The following ADAMTSL1 variants were observed in gnomAD, a reference collection of about 807,000 sequenced individuals.
ADAMTSL1 encodes the protein ADAMTS like 1, also known as ADAMTS-like protein 1.
Under a neutral mutation model 201.8 loss-of-function variants are expected in ADAMTSL1, and 126 were observed. The ratio of observed to expected loss-of-function variants is 0.62; its 90% CI spans 0.54 to 0.72. The LOEUF (loss-of-function observed/expected upper bound fraction) is 0.72. ADAMTSL1 is among the 30% of genes least tolerant of loss of function. ADAMTSL1 has a pLI of 0.00. For synonymous variants in ADAMTSL1, 1,121 were observed against 903.4 expected, an observed-to-expected ratio of 1.24 and a Z score of -4.32; for missense variants, 2,679 against 2,277.8, an observed-to-expected ratio of 1.18 and a Z score of -3.59.
At chr9:18,184,366 T>A (rs1301123207) in intron 2 of ADAMTSL1, among the ~76,000 whole-genome samples, 1 of 152,180 alleles carries the variant, frequency 6.6e-6, no homozygotes, top group Non-Finnish European at 1.5e-5. Context: ...GAAATATCAA[T>A]TTTTCTCAAG....
chr9:18,709,203 G>A lies in ADAMTSL1; in HGVS notation c.1876+2155G>A, dbSNP rs182522646. ...TCCAAAGTGATGAAAATATGCTTGG[G>A]TTATATGGTCCATATGATGCCCATA... On this transcript the variant is annotated intron_variant, in intron 14 of 28. Transcript: ENST00000380548. Among the ~76,000 whole-genome samples, 10 of 152,168 alleles carry A rather than the reference G, an allele frequency of 6.6e-5. No individual in the cohort carries two copies. In the East Asian group the frequency reaches 1.2e-3, roughly 18 times the overall value.
intron 1 of ADAMTSL1, among the ~76,000 whole-genome samples, chr9:18,084,324 C>A (rs1270388816): frequency 1.3e-5 from 2 of 151,514 alleles, no homozygotes; most frequent in East Asian, 1.9e-4. Flanking sequence ...GAGTTAGAGA[C>A]CAGCCTGGTC....
At chr9:18,691,267 G>A (rs1259976903) in intron 13 of ADAMTSL1, among the ~76,000 whole-genome samples, 1 of 152,178 alleles carries the variant, frequency 6.6e-6, no homozygotes, top group African/African-American at 2.4e-5. Context: ...ACATGGTAAT[G>A]CATAAAGATA....
At chr9:18,121,128 T>C (rs1825477821) in intron 1 of ADAMTSL1, among the ~76,000 whole-genome samples, 2 of 152,212 alleles carry the variant, frequency 1.3e-5, no homozygotes, top group Admixed American at 6.6e-5. Context: ...AAGGATACAG[T>C]TGGCTCTAGG....
intron 1 of ADAMTSL1, among the ~76,000 whole-genome samples, chr9:18,156,299 G>A (rs767110267): frequency 5.3e-5 from 8 of 151,940 alleles, no homozygotes; most frequent in Non-Finnish European, 1.2e-4. Flanking sequence ...GGCCATGAAA[G>A]GAGCCAATGT....
At chr9:18,321,152 T>G (rs1834599778) in intron 2 of ADAMTSL1, among the ~76,000 whole-genome samples, 1 of 152,144 alleles carries the variant, frequency 6.6e-6, no homozygotes, top group Non-Finnish European at 1.5e-5. Context: ...CATGAGAAAG[T>G]TGGCATGGCT....
chr9:18,640,944 C>A (rs1324942855), intron 7 of ADAMTSL1, among the ~76,000 whole-genome samples: 2 of 151,986 alleles, frequency 1.3e-5, no homozygotes, highest in African/African-American at 4.8e-5. Flanking sequence ...TCCTTCATAA[C>A]CCCTCACCTT....
chr9:18,749,647 G>A (rs969724462), intron 15 of ADAMTSL1, among the ~76,000 whole-genome samples: 8 of 152,202 alleles, frequency 5.3e-5, no homozygotes, highest in African/African-American at 1.2e-4. Flanking sequence ...CAGAACGCAC[G>A]GAATAGGGCA....
chr9:18,782,814 G>A (rs1463438528), intron 19 of ADAMTSL1, among the ~76,000 whole-genome samples: 1 of 152,184 alleles, frequency 6.6e-6, no homozygotes, highest in East Asian at 1.9e-4. Flanking sequence ...CTGGACAAGG[G>A]AAAGGCAGTG....
chr9:18,540,420 G>T (rs1820058051), intron 3 of ADAMTSL1, among the ~76,000 whole-genome samples: 1 of 152,186 alleles, frequency 6.6e-6, no homozygotes, highest in Non-Finnish European at 1.5e-5. Context: ...ATGGAGGGTT[G>T]CTCTACCTGA....
intron 23 of ADAMTSL1, among the ~76,000 whole-genome samples, chr9:18,877,192 G>C (rs1301894290): frequency 1.3e-5 from 2 of 151,802 alleles, no homozygotes; most frequent in Admixed American, 1.3e-4. Context: ...CCTTTCTCTG[G>C]TGCCTCCTTG....
chr9:17,952,871 G>C lies in ADAMTSL1; in HGVS notation c.87+45949G>C, dbSNP rs73416862. Among the ~76,000 whole-genome samples the C allele has an allele frequency of 7.3e-3, 1,114 of 151,784 alleles. 18 individuals carry two copies. The highest frequency in any genetic ancestry group is 0.026 in the African/African-American group (1,065 of 41,348). On this transcript the variant is annotated intron_variant, in intron 1 of 29. Coordinates refer to the ADAMTSL1 transcript ENST00000680146. ...TATAATTTAAATCTGTACGCTATGA[G>C]ATAATAAGTCTTATCTGGAAAGCAG...
At chr9:18,484,085 C>A (rs1334580227) in intron 1 of ADAMTSL1, among the ~76,000 whole-genome samples, 2 of 152,182 alleles carry the variant, frequency 1.3e-5, no homozygotes, top group African/African-American at 4.8e-5. Context: ...AGCTTTCTTT[C>A]CTCCCTCAGT....
intron 1 of ADAMTSL1, among the ~76,000 whole-genome samples, chr9:17,922,462 G>C (rs1006329066): frequency 6.6e-6 from 1 of 152,134 alleles, no homozygotes; most frequent in African/African-American, 2.4e-5. Context: ...CTCAATCTCA[G>C]AGATTCTGAT....
intron 1 of ADAMTSL1, among the ~76,000 whole-genome samples, chr9:18,104,242 C>G (rs1056281732): frequency 6.6e-6 from 1 of 152,128 alleles, no homozygotes; most frequent in South Asian, 2.1e-4. Flanking sequence ...AATGATCTTA[C>G]GTGATATACC....
chr9:18,655,727 T>G (rs1373083607), intron 7 of ADAMTSL1, among the ~76,000 whole-genome samples: 3 of 149,516 alleles, frequency 2.0e-5, no homozygotes, highest in Non-Finnish European at 4.4e-5. Flanking sequence ...GAATCTTGTG[T>G]TTAAATGAAA....
intron 13 of ADAMTSL1, among the ~76,000 whole-genome samples, chr9:18,696,685 G>A (rs775999756): frequency 7.2e-5 from 11 of 152,008 alleles, no homozygotes; most frequent in Non-Finnish European, 1.5e-4. Context: ...CAACTGTGGA[G>A]CCAGCCTGCC....
intron 2 of ADAMTSL1, among the ~76,000 whole-genome samples, chr9:18,170,623 C>A (rs562568218): frequency 6.6e-6 from 1 of 152,004 alleles, no homozygotes; most frequent in South Asian, 2.1e-4. Context: ...AAAGGCAAAA[C>A]AGATTTAAAT....
intron 4 of ADAMTSL1, among the ~76,000 whole-genome samples, chr9:18,596,940 A>T (rs1824301354): frequency 1.3e-5 from 2 of 152,168 alleles, no homozygotes; most frequent in African/African-American, 4.8e-5. Flanking sequence ...AGGGGAATTA[A>T]TATTCATTTT....
Sources: gnomAD v4.1 joint callset for allele counts (sites outside exome capture counted in the v4.1 genomes callset) on GRCh38, gnomAD v4.1.1 for gene constraint, MANE v1.5 for transcripts, NCBI Gene and HGNC (gene_info 2026-07-23, HGNC 2026-07-21) for gene names.